The following SLC8A1 variants were observed in gnomAD, a reference collection of about 807,000 sequenced individuals.
SLC8A1 encodes sodium/calcium exchanger 1.
SLC8A1 carries 18 observed loss-of-function variants against 68.3 expected under a neutral mutation model. The observed-to-expected ratio is 0.26, with a 90% confidence interval of 0.18 to 0.39. The LOEUF (loss-of-function observed/expected upper bound fraction) is 0.39. SLC8A1 is among the 10% of genes least tolerant of loss of function. The pLI is 1.00. For missense variants in SLC8A1, 985 were observed against 1,156.7 expected, an observed-to-expected ratio of 0.85 and a Z score of 2.15; for synonymous variants, 475 against 415.5, an observed-to-expected ratio of 1.14 and a Z score of -1.74.
chr2:40,488,183 C>G (rs923377876), intron 1 of SLC8A1, among the ~76,000 whole-genome samples: 2 of 149,966 alleles, frequency 1.3e-5, no homozygotes, highest in Admixed American at 6.7e-5. Context: ...ACTGCCAGTC[C>G]AGCTTTTTCT....
chr2:40,272,446 C>T (rs2066164364), intron 2 of SLC8A1, among the ~76,000 whole-genome samples: 1 of 152,156 alleles, frequency 6.6e-6, no homozygotes, highest in Non-Finnish European at 1.5e-5. Flanking sequence ...AATTCATTTG[C>T]AGACAAGGAT....
At chr2:40,481,503 C>A (rs1443011050) in intron 1 of SLC8A1, among the ~76,000 whole-genome samples, 1 of 152,126 alleles carries the variant, frequency 6.6e-6, no homozygotes, top group East Asian at 1.9e-4. Flanking sequence ...TGTAAGAATG[C>A]AACCAGATTT....
At chr2:40,403,514 G>A (rs1249156784) in intron 2 of SLC8A1, among the ~76,000 whole-genome samples, 2 of 152,128 alleles carry the variant, frequency 1.3e-5, no homozygotes, top group Non-Finnish European at 2.9e-5. Context: ...TTAGGTATTT[G>A]CCCACACTTT....
At chr2:40,303,860 G>T (rs1022839205) in intron 2 of SLC8A1, among the ~76,000 whole-genome samples, 2 of 152,152 alleles carry the variant, frequency 1.3e-5, no homozygotes, top group African/African-American at 2.4e-5. Flanking sequence ...GAAAAGGAAG[G>T]CCAGTTGCTC....
chr2:40,186,827 G>T (rs1193113954), intron 2 of SLC8A1, among the ~76,000 whole-genome samples: 2 of 152,154 alleles, frequency 1.3e-5, no homozygotes, highest in African/African-American at 4.8e-5. Flanking sequence ...CAGTGATTAT[G>T]ATGTTCACAG....
At chr2:40,419,037 C>T (rs1694730942) in intron 2 of SLC8A1, among the ~76,000 whole-genome samples, 1 of 152,230 alleles carries the variant, frequency 6.6e-6, no homozygotes, top group Admixed American at 6.5e-5. Context: ...TAAACATACA[C>T]ACTGTTGTAG....
intron 2 of SLC8A1, among the ~76,000 whole-genome samples, chr2:40,283,721 A>T (rs13026979): frequency 0.29 from 44,588 of 152,082 alleles, 6,657 homozygotes; most frequent in East Asian, 0.38. Context: ...TTCTGCCAAA[A>T]GCAAAACAAC....
Position 40,361,435 on chromosome 2 carries a change from A to T in SLC8A1, c.1808+67038T>A, listed in dbSNP as rs949000515. Among the ~76,000 whole-genome samples the T allele has an allele frequency of 5.3e-5, 8 of 150,560 alleles. 1 individual carries two copies. In the Admixed American group the frequency reaches 5.3e-4, roughly 10 times the overall value. Reference sequence around the variant, plus strand: ...CTTCTTCCAATACTTTAAAATTGTTATGCACATTAGTAGAGCTCCTGAAGG... The same window carrying T: ...CTTCTTCCAATACTTTAAAATTGTTTTGCACATTAGTAGAGCTCCTGAAGG... On this transcript the variant is annotated intron_variant, in intron 2 of 7. Coordinates refer to ENST00000406785, the Ensembl canonical transcript of SLC8A1.
chr2:40,447,368 G>C lies in SLC8A1; in HGVS notation c.-25+4536C>G, dbSNP rs536791646. Among the ~76,000 whole-genome samples, 228 of 152,202 alleles carry C rather than the reference G, an allele frequency of 1.5e-3. 3 individuals are homozygous for C. The South Asian group carries it at 0.018, about 12-fold the overall frequency. ...GTTGCTCTAGAAGCCAAATTTTGGA[G>C]AGTTTATCTTTGCCTTTGTCTGGCT... is the stretch of plus-strand genomic sequence containing the variant. On this transcript the variant is annotated intron_variant, in intron 1 of 7. Coordinates refer to ENST00000406785, the Ensembl canonical transcript of SLC8A1.
At chr2:40,222,550 T>G (rs1448977376) in intron 2 of SLC8A1, among the ~76,000 whole-genome samples, 5 of 152,170 alleles carry the variant, frequency 3.3e-5, no homozygotes, top group Non-Finnish European at 5.9e-5. Context: ...CTGAAAAGCT[T>G]CTGCACAGCA....
At chr2:40,425,407 G>A (rs986861727) in intron 2 of SLC8A1, among the ~76,000 whole-genome samples, 9 of 151,816 alleles carry the variant, frequency 5.9e-5, no homozygotes, top group Non-Finnish European at 1.0e-4. Context: ...AAGCTGTAGT[G>A]CCTCTTATTC....
intron 1 of SLC8A1, among the ~76,000 whole-genome samples, chr2:40,474,480 G>A (rs971427850): frequency 6.6e-6 from 1 of 152,072 alleles, no homozygotes; most frequent in Admixed American, 6.6e-5. Context: ...ACTTCCTAAG[G>A]TTTTAATGTC....
intron 2 of SLC8A1, among the ~76,000 whole-genome samples, chr2:40,234,529 A>G (rs1025414860): frequency 2.6e-5 from 4 of 152,148 alleles, no homozygotes; most frequent in Admixed American, 2.0e-4. Flanking sequence ...TAGATATACA[A>G]TCATGTCTTC....
At chr2:40,349,501 A>C (rs1406198977) in intron 2 of SLC8A1, among the ~76,000 whole-genome samples, 3 of 152,218 alleles carry the variant, frequency 2.0e-5, no homozygotes, top group Non-Finnish European at 2.9e-5. Flanking sequence ...CCTTCCTCAT[A>C]GCAGCTAAAT....
Position 40,228,800 on chromosome 2 carries a change from C to T in SLC8A1, c.1809-50945G>A, listed in dbSNP as rs144648021. Reference sequence around the variant, plus strand: ...CAAGTAACTAGACTTGATCACCAATCCAAGGTGAGGTGTCAGGGGTGGAGG... The same window carrying T: ...CAAGTAACTAGACTTGATCACCAATTCAAGGTGAGGTGTCAGGGGTGGAGG... On this transcript the variant is annotated intron_variant, in intron 2 of 7. Transcript: ENST00000406785. Among the ~76,000 whole-genome samples, 76 of 152,204 alleles carry T rather than the reference C, an allele frequency of 5.0e-4. 1 individual carries two copies. The highest frequency in any genetic ancestry group is 1.7e-3 in the African/African-American group (70 of 41,526).
chr2:40,385,035 T>C (rs1414292680), intron 2 of SLC8A1, among the ~76,000 whole-genome samples: 1 of 152,064 alleles, frequency 6.6e-6, no homozygotes, highest in Non-Finnish European at 1.5e-5. Context: ...ATAAAATACA[T>C]TTCTAAAATA....
chr2:40,340,023 C>T (rs571959659), intron 2 of SLC8A1, among the ~76,000 whole-genome samples: 1 of 152,246 alleles, frequency 6.6e-6, no homozygotes, highest in Non-Finnish European at 1.5e-5. Flanking sequence ...TATAAGTAGT[C>T]ATATGAGGCA....
intron 1 of SLC8A1, among the ~76,000 whole-genome samples, chr2:40,505,117 T>G (rs780946266): frequency 6.6e-6 from 1 of 151,974 alleles, no homozygotes; most frequent in African/African-American, 2.4e-5. Context: ...AATGGTGTAC[T>G]ATTTAGTTCT....
upstream of SLC8A1, chr2:40,452,075 G>C (rs1401928796): frequency 6.7e-6 from 1 of 150,268 alleles, no homozygotes; most frequent in South Asian, 2.0e-4. Flanking sequence ...GCGCCGGCGC[G>C]AGCGGGAGCC....
Sources: allele counts gnomAD v4.1 joint callset (sites outside exome capture counted in the v4.1 genomes callset), GRCh38; gene constraint gnomAD v4.1.1; transcripts MANE v1.5; gene names NCBI Gene and HGNC (gene_info 2026-07-23, HGNC 2026-07-21).